The following CNTNAP2 variants were observed in gnomAD, a reference collection of about 807,000 sequenced individuals.
CNTNAP2 encodes contactin-associated protein-like 2.
CNTNAP2 carries 98 observed loss-of-function variants against 155.2 expected under a neutral mutation model. The ratio of observed to expected loss-of-function variants is 0.63; its 90% CI spans 0.54 to 0.75. The LOEUF (loss-of-function observed/expected upper bound fraction) is 0.75. Ranked by LOEUF, CNTNAP2 falls within the 30% of genes least tolerant of loss-of-function variation. The pLI is 0.00. For missense variants in CNTNAP2, 1,727 were observed against 1,688.1 expected (o/e 1.02, Z -0.40); for synonymous variants, 651 against 631.2 (o/e 1.03, Z -0.47).
At chr7:147,210,903 G>C (rs1052009183) in intron 8 of CNTNAP2, among the ~76,000 whole-genome samples, 1 of 151,718 alleles carries the variant, frequency 6.6e-6, no homozygotes, top group African/African-American at 2.4e-5. Context: ...TCTTTGTATT[G>C]ATTTCTATTT....
rs578254461 is a variant in CNTNAP2, at chr7:147,586,892, C to A, written c.1897+24635C>A. Among the ~76,000 whole-genome samples the A allele has an allele frequency of 1.6e-3, 245 of 152,214 alleles. 2 individuals carry two copies. Among genetic ancestry groups the A allele is most frequent in the African/African-American group, 5.8e-3 (242 of 41,542 alleles). ...GGCAACAGAGTCTACCACTTATACC[C>A]ACAGAAGATTAAGCATTTGTGCTCA... On this transcript the variant is annotated intron_variant, in intron 12 of 23. Coordinates refer to ENST00000361727, the MANE Select transcript of CNTNAP2 (RefSeq NM_014141.6).
rs1585058224 is a variant in CNTNAP2, at chr7:147,977,958, G to A, written c.2352G>A (p.Leu784=). ...DTDRQGSEAK[L]SVGPLRCQGD... ...ACCGTCAAGGCTCAGAAGCCAAATT[G>A]AGCGTAGGTCCTCTGCGCTGCCAAG... The change falls in exon 15 of 24, where the codon TTG becomes TTA. Residue 784 remains leucine, a synonymous_variant. Transcript: ENST00000361727. 1.2e-6 allele frequency: 2 copies of A among 1,614,084 alleles called. No individual in the cohort carries two copies. Among genetic ancestry groups the A allele is most frequent in the East Asian group, 4.5e-5 (2 of 44,874 alleles).
chr7:146,158,576 A>C (rs34106949), intron 1 of CNTNAP2, among the ~76,000 whole-genome samples: 8,003 of 152,268 alleles, frequency 0.053, 247 homozygotes, highest in Middle Eastern at 0.1. Flanking sequence ...AAACCACGGC[A>C]TGAGAACTAT....
At chr7:148,216,521 G>T (rs1585193933) in intron 18 of CNTNAP2, among the ~76,000 whole-genome samples, 1 of 152,290 alleles carries the variant, frequency 6.6e-6, no homozygotes, top group East Asian at 1.9e-4. Flanking sequence ...AGCAAATTCA[G>T]TCTCAAAGAG....
In CNTNAP2 at chr7:146,483,208, G is replaced by A. The variant is rs1365191330; in HGVS notation, c.98-291063G>A. ...GGAGAATGGCATGAACCTGGGAGGC[G>A]GAACTTGCAGTGAGCCAAGATCGCG... On this transcript the variant is annotated intron_variant, in intron 1 of 23. Coordinates refer to ENST00000361727, the MANE Select transcript of CNTNAP2 (RefSeq NM_014141.6). 5.5e-5 allele frequency among the ~76,000 whole-genome samples: 8 copies of A among 144,744 alleles called. No homozygotes were observed. The East Asian group carries it at 1.3e-3, about 23-fold the overall frequency. 95.0% of individuals were successfully genotyped at this position (144,744 alleles called of 152,430 possible).
intron 1 of CNTNAP2, among the ~76,000 whole-genome samples, chr7:146,497,022 G>C (rs1262819150): frequency 1.3e-5 from 2 of 152,184 alleles, no homozygotes; most frequent in African/African-American, 4.8e-5. Context: ...CACAGTACAT[G>C]TAATCTCCTT....
intron 1 of CNTNAP2, among the ~76,000 whole-genome samples, chr7:146,691,317 C>T (rs1800693876): frequency 6.6e-6 from 1 of 151,522 alleles, no homozygotes; most frequent in African/African-American, 2.4e-5. Context: ...ACTCAATAAA[C>T]CCATTGTATG....
intron 1 of CNTNAP2, among the ~76,000 whole-genome samples, chr7:146,534,712 C>T (rs1797820776): frequency 6.6e-6 from 1 of 151,956 alleles, no homozygotes; most frequent in South Asian, 2.1e-4. Context: ...CTCTTAACTT[C>T]CTACAATTTA....
intron 1 of CNTNAP2, among the ~76,000 whole-genome samples, chr7:146,634,286 C>A (rs997219688): frequency 1.2e-4 from 18 of 152,134 alleles, no homozygotes; most frequent in African/African-American, 4.1e-4. Context: ...TGTGCCGAAT[C>A]CTCAGTCAGA....
At chr7:147,308,243 T>C (rs999031789) in intron 9 of CNTNAP2, among the ~76,000 whole-genome samples, 5 of 152,092 alleles carry the variant, frequency 3.3e-5, no homozygotes, top group Non-Finnish European at 7.4e-5. Context: ...AGGGAGTCAG[T>C]GTGGCTGAGA....
intron 1 of CNTNAP2, among the ~76,000 whole-genome samples, chr7:146,269,157 T>C (rs1042801262): frequency 6.6e-6 from 1 of 151,960 alleles, no homozygotes; most frequent in African/African-American, 2.4e-5. Flanking sequence ...CTGGCCAACA[T>C]GGTCAAACCC....
intron 1 of CNTNAP2, among the ~76,000 whole-genome samples, chr7:146,680,458 T>C (rs1262189657): frequency 2.6e-5 from 4 of 152,166 alleles, no homozygotes; most frequent in Non-Finnish European, 5.9e-5. Flanking sequence ...TGGAAAACCT[T>C]CATAACCTTG....
chr7:146,214,234 G>A (rs1799079996), intron 1 of CNTNAP2, among the ~76,000 whole-genome samples: 1 of 152,138 alleles, frequency 6.6e-6, no homozygotes, highest in Admixed American at 6.6e-5. Context: ...ATGTGATAAG[G>A]ACTAAATAAG....
intron 11 of CNTNAP2, among the ~76,000 whole-genome samples, chr7:147,533,955 T>A (rs959842228): frequency 1.3e-5 from 2 of 152,184 alleles, no homozygotes; most frequent in Non-Finnish European, 2.9e-5. Flanking sequence ...AATCAGAGAC[T>A]GAGAGAGCTT....
intron 15 of CNTNAP2, among the ~76,000 whole-genome samples, chr7:148,079,193 A>G (rs1181830105): frequency 6.6e-6 from 1 of 152,228 alleles, no homozygotes; most frequent in Admixed American, 6.5e-5. Flanking sequence ...ACATGTGCCC[A>G]AGGTGGTCGG....
At chr7:147,771,453 C>A (rs1363939425) in intron 13 of CNTNAP2, among the ~76,000 whole-genome samples, 3 of 152,152 alleles carry the variant, frequency 2.0e-5, no homozygotes, top group African/African-American at 7.2e-5. Context: ...GCTGAATGAG[C>A]CTTTGTGGTT....
intron 12 of CNTNAP2, among the ~76,000 whole-genome samples, chr7:147,625,538 G>A (rs999294436): frequency 6.6e-6 from 1 of 152,122 alleles, no homozygotes; most frequent in Non-Finnish European, 1.5e-5. Context: ...ATTATTGTTT[G>A]CATGTGCTCA....
chr7:146,230,512 G>A (rs1185344973), intron 1 of CNTNAP2, among the ~76,000 whole-genome samples: 2 of 151,992 alleles, frequency 1.3e-5, no homozygotes, highest in Non-Finnish European at 2.9e-5. Context: ...TTCTTTCTTT[G>A]CATGGGTAAA....
intron 1 of CNTNAP2, among the ~76,000 whole-genome samples, chr7:146,721,501 T>C (rs1344984667): frequency 1.5e-4 from 20 of 129,482 alleles, no homozygotes; most frequent in Admixed American, 6.5e-4. Flanking sequence ...ATTCTATATA[T>C]ATTCTATATA....
Sources: gnomAD v4.1 joint callset for allele counts (sites outside exome capture counted in the v4.1 genomes callset) on GRCh38, gnomAD v4.1.1 for gene constraint, MANE v1.5 for transcripts, NCBI Gene and HGNC (gene_info 2026-07-23, HGNC 2026-07-21) for gene names.